Variants in HK2 observed in about 807,000 individuals in gnomAD.
The protein encoded by HK2 is hexokinase 2.
A neutral mutation model predicts 92.9 loss-of-function variants in HK2; 42 were observed. That is an observed-to-expected ratio of 0.45 (90% confidence interval 0.35 to 0.58). The LOEUF is 0.58. Among genes scored for constraint, HK2 ranks in the 20% least tolerant of loss-of-function variants. HK2 has a pLI of 0.00. For synonymous variants in HK2, 422 were observed against 468.0 expected (o/e 0.90, Z 1.27); for missense variants, 978 against 1,245.1 (o/e 0.79, Z 3.23).
rs1207743347 is a variant in HK2, at chr2:74,885,520, C to G, written c.1866C>G (p.Gly622=). The change falls in exon 13 of 18, where the codon GGC becomes GGG. Residue 622 remains glycine, a synonymous_variant. Transcript: ENST00000290573. ...GCATCCTCCTCAAGTGGACAAAAGG[C>G]TTCAAGGCATCTGGCTGCGAGGGCG... ...DESILLKWTK[G]FKASGCEGED... 4 of 1,613,712 alleles carry G rather than the reference C, an allele frequency of 2.5e-6. No homozygotes were observed. The East Asian group carries it at 8.9e-5, about 36-fold the overall frequency.
chr2:74,847,721 T>A (rs919978458), intron 1 of HK2, among the ~76,000 whole-genome samples: 3 of 151,660 alleles, frequency 2.0e-5, no homozygotes, highest in Non-Finnish European at 2.9e-5. Flanking sequence ...TAAACAAACT[T>A]GACGAAGCTC....
In HK2 at chr2:74,881,831, A is replaced by G. The variant is rs140795639; in HGVS notation, c.1691A>G (p.Gln564Arg). 1.3e-4 allele frequency: 204 copies of G among 1,614,188 alleles called. No individual in the cohort carries two copies. The African/African-American group carries it at 2.4e-3, about 19-fold the overall frequency. The change falls in exon 11 of 18, where the codon CAG (glutamine) becomes CGG (arginine). Residue 564 changes from glutamine to arginine, a missense_variant. By Grantham distance (43) the Gln-to-Arg change is conservative. Coordinates refer to ENST00000290573, the MANE Select transcript of HK2 (RefSeq NM_000189.5). The stretch of plus-strand genomic sequence containing the variant: ...CACAACAAGATCTACGCCATCCCGC[A>G]GGAGGTCATGCACGGCACCGGGGAC... ...EMHNKIYAIP[Q>R]EVMHGTGDEL... is the part of the protein sequence containing the mutation.
Position 74,887,943 on chromosome 2 carries a change from G to T in HK2, c.2260G>T (p.Val754Phe), listed in dbSNP as rs1337603796. 4 of 1,613,974 alleles carry T rather than the reference G, an allele frequency of 2.5e-6. No homozygotes were observed. The highest frequency in any genetic ancestry group is 2.7e-5 in the African/African-American group (2 of 74,914). ...CAGTGGAATGTACCTGGGTGAGATT[G>T]TCCGTAACATTCTCATCGATTTCAC... ...MISGMYLGEI[V>F]RNILIDFTKR... Residue 754 changes from valine to phenylalanine, a missense_variant, in exon 16 of 18, where the codon GTC becomes TTC. Val to Phe is a conservative substitution (Grantham distance 50). Coordinates refer to ENST00000290573, the MANE Select transcript of HK2 (RefSeq NM_000189.5).
chr2:74,840,262 T>C (rs113123916), intron 1 of HK2, among the ~76,000 whole-genome samples: 6 of 151,822 alleles, frequency 4.0e-5, no homozygotes, highest in African/African-American at 1.4e-4. Flanking sequence ...CCAGGCATTT[T>C]TTTTTTTTTT....
chr2:74,880,615 C>A (rs1488640526), intron 10 of HK2, 46 bp downstream of exon 10: 1 of 1,585,148 alleles, frequency 6.3e-7, no homozygotes, highest in Admixed American at 1.7e-5. Context: ...GGCCTTTGTC[C>A]TGGTGTTGAT....
At chr2:74,866,775 A>G (rs1688959308) in intron 2 of HK2, among the ~76,000 whole-genome samples, 1 of 152,142 alleles carries the variant, frequency 6.6e-6, no homozygotes, top group Non-Finnish European at 1.5e-5. Flanking sequence ...TGGGGTCAGC[A>G]TTCTCTTGCA....
intron 12 of HK2, 145 bp from the exon 13 acceptor site, chr2:74,885,349 A>G: frequency 4.3e-6 from 3 of 704,932 alleles, no homozygotes; most frequent in Non-Finnish European, 7.8e-6. Flanking sequence ...CCTTAGGAAC[A>G]GTTTAATTTG....
chr2:74,875,884 A>ACC (rs1558800736), intron 7 of HK2, among the ~76,000 whole-genome samples: 1 of 151,974 alleles, frequency 6.6e-6, no homozygotes, highest in South Asian at 2.1e-4. Context: ...ATGACAGCAC[A>ACC]CCCCCGGCTT....
At chr2:74,867,938 G>A in intron 3 of HK2, 154 bp downstream of exon 3, 2 of 837,580 alleles carry the variant, frequency 2.4e-6, no homozygotes, top group Admixed American at 1.7e-5. Context: ...CTCTCAGCCG[G>A]AGCTCAGGCT....
At chr2:74,838,201 G>C (rs1372414424) in intron 1 of HK2, among the ~76,000 whole-genome samples, 3 of 152,182 alleles carry the variant, frequency 2.0e-5, no homozygotes, top group African/African-American at 7.2e-5. Context: ...GAGAATCTTG[G>C]CTGTTAGGTT....
intron 1 of HK2, chr2:74,835,268 C>A: frequency 6.1e-6 from 1 of 163,648 alleles, no homozygotes; most frequent in Admixed American, 5.9e-5. Flanking sequence ...AGGGGCGTCC[C>A]CCATTAACCC....
intron 2 of HK2, 103 bp downstream of exon 2, chr2:74,854,558 C>A: frequency 8.0e-7 from 1 of 1,254,256 alleles, no homozygotes; most frequent in Non-Finnish European, 1.2e-6. Flanking sequence ...GAAACCAACC[C>A]TGGCTAAGGG....
intron 13 of HK2, 32 bp from the exon 14 acceptor site, chr2:74,886,262 T>G: frequency 6.6e-7 from 1 of 1,519,674 alleles, no homozygotes; most frequent in Non-Finnish European, 9.1e-7. Flanking sequence ...GGGGTTCACC[T>G]GTGAACTGGG....
intron 2 of HK2, among the ~76,000 whole-genome samples, chr2:74,860,394 T>C (rs1688797833): frequency 6.6e-6 from 1 of 152,210 alleles, no homozygotes; most frequent in Admixed American, 6.5e-5. Flanking sequence ...GAAAGTTACC[T>C]TGAGCCCCTT....
At position 74,834,178 on chromosome 2, in the gene HK2, A is replaced by G; in HGVS notation, c.-403A>G. On this transcript the variant is annotated 5_prime_UTR_variant, in exon 1 of 18. Coordinates refer to ENST00000290573, the MANE Select transcript of HK2 (RefSeq NM_000189.5). The surrounding 1 kb of genome is among the most constrained non-coding windows in gnomAD (Gnocchi z 4.2). The stretch of plus-strand genomic sequence containing the variant: ...GGAGTCCCGGGCTGCCGCTGGCAAC[A>G]TCGTGTCACCCAGCTAAGAAAATCC... 2.8e-6 allele frequency: 1 copy of G among 353,332 alleles called. No homozygotes were observed. 21.9% of individuals were successfully genotyped at this position (353,332 alleles called of 1,614,324 possible). A position where few individuals can be genotyped will look rare whatever the true frequency, so the allele number is the denominator to read the frequency against.
Position 74,885,536 on chromosome 2 carries a change from T to C in HK2, c.1882T>C (p.Cys628Arg). ...KWTKGFKASGCEGEDVVTLLK... is the reference protein window; with the variant it reads ...KWTKGFKASGREGEDVVTLLK... ...GACAAAAGGCTTCAAGGCATCTGGC[T>C]GCGAGGGCGAGGACGTGGTGACCCT... is the stretch of plus-strand genomic sequence containing the variant. Residue 628 changes from cysteine to arginine, a missense_variant, in exon 13 of 18, where the codon TGC (cysteine) becomes CGC (arginine). By Grantham distance (180) the Cys-to-Arg change is radical. This residue lies in a region of HK2 where 742 missense variants were observed against 922.5 expected (regional missense o/e 0.80). Coordinates refer to ENST00000290573, the MANE Select transcript of HK2 (RefSeq NM_000189.5). The C allele has an allele frequency of 1.2e-6, 2 of 1,614,064 alleles. No homozygotes were observed. Among genetic ancestry groups the C allele is most frequent in the Non-Finnish European group, 1.7e-6 (2 of 1,179,980 alleles).
rs1689667579 is a variant in HK2, at chr2:74,891,098, G to C, written c.*157G>C. On this transcript the variant is annotated 3_prime_UTR_variant, in exon 18 of 18. Transcript: ENST00000290573. ...TTTTGTCTCTGCATCTCATTGTAGA[G>C]CTTGGTGGCTGAGCTTGGCCCTATT... is the stretch of plus-strand genomic sequence containing the variant. 1.3e-6 allele frequency: 1 copy of C among 797,226 alleles called. No homozygotes were observed. The highest frequency in any genetic ancestry group is 2.3e-5 in the Admixed American group (1 of 43,628). The allele number at this position is 797,226 out of a possible 1,614,324, so 49.4% of individuals were successfully genotyped here.
Position 74,885,589 on chromosome 2 carries a change from G to C in HK2, c.1935G>C (p.Glu645Asp), listed in dbSNP as rs765990794. 6.2e-7 allele frequency: 1 copy of C among 1,604,532 alleles called. No individual in the cohort carries two copies. Among genetic ancestry groups the C allele is most frequent in the Non-Finnish European group, 8.5e-7 (1 of 1,171,234 alleles). Reference protein sequence around the residue: ...TLLKEAIHRREEFDLDVVAVV... With the variant: ...TLLKEAIHRRDEFDLDVVAVV... ...TGAAGGAAGCGATCCACCGGCGAGA[G>C]GTAGGAGACACATGGCACGAGGTCT... Residue 645 changes from glutamate (E) to aspartate (D), a missense_variant and splice_region_variant, in exon 13 of 18, where the codon GAG (glutamate) becomes GAC (aspartate). By Grantham distance (45) the Glu-to-Asp change is conservative (BLOSUM62 2). Coordinates refer to ENST00000290573, the MANE Select transcript of HK2 (RefSeq NM_000189.5).
Position 74,848,560 on chromosome 2 carries a change from T to C in HK2, c.64-5733T>C, listed in dbSNP as rs182495156. Among the ~76,000 whole-genome samples the C allele has an allele frequency of 2.0e-5, 3 of 152,314 alleles. No individual in the cohort carries two copies. The East Asian group carries it at 5.8e-4, about 29-fold the overall frequency. ...GCCATAACATGGAAGATGCTGGGGT[T>C]GCAACAGTAGTCAGGATTCAGGGAT... On this transcript the variant is annotated intron_variant, in intron 1 of 17. Transcript: ENST00000290573.
Sources: gnomAD v4.1 joint callset for allele counts (sites outside exome capture counted in the v4.1 genomes callset) on GRCh38, gnomAD v4.1.1 for gene constraint, gnomAD v4.1.1 regional missense constraint, Gnocchi (gnomAD v3.1) non-coding constraint, MANE v1.5 for transcripts, NCBI Gene and HGNC (gene_info 2026-07-23, HGNC 2026-07-21) for gene names.